The following LY75 variants were observed in gnomAD, a reference collection of about 807,000 sequenced individuals.
LY75 encodes the protein lymphocyte antigen 75, also known as C-type lectin domain family 13 member B.
A neutral mutation model predicts 231.7 loss-of-function variants in LY75; 185 were observed. The observed-to-expected ratio is 0.80, with a 90% CI of 0.71 to 0.90. The LOEUF (loss-of-function observed/expected upper bound fraction) is 0.90, where lower values mean the gene tolerates loss of function less well. Among genes scored for constraint, LY75 ranks in the 40% least tolerant of loss-of-function variants. LY75 has a pLI of 0.00. For synonymous variants in LY75, 668 were observed against 689.0 expected (o/e 0.97, Z 0.48); for missense variants, 1,947 against 2,050.2 (o/e 0.95, Z 0.97).
intron 14 of LY75, among the ~76,000 whole-genome samples, chr2:159,864,290 T>A (rs1384563596): frequency 1.3e-5 from 2 of 152,136 alleles, no homozygotes; most frequent in East Asian, 3.8e-4. Flanking sequence ...TGTTTTTGAG[T>A]TCGTATCCAA....
At chr2:159,821,595 G>A (rs1187540554) in intron 28 of LY75, among the ~76,000 whole-genome samples, 16 of 142,408 alleles carry the variant, frequency 1.1e-4, no homozygotes, top group Non-Finnish European at 1.7e-4. Context: ...CTTCAGCTTC[G>A]GTGACAAGAG....
At chr2:159,819,285 T>C (rs966259684) in intron 29 of LY75, among the ~76,000 whole-genome samples, 1 of 152,160 alleles carries the variant, frequency 6.6e-6, no homozygotes, top group African/African-American at 2.4e-5. Context: ...TTAAGCAAGG[T>C]GGAGAGACAT....
At chr2:159,831,441 C>A (rs368778862) in intron 28 of LY75, among the ~76,000 whole-genome samples, 1 of 152,092 alleles carries the variant, frequency 6.6e-6, no homozygotes, top group Non-Finnish European at 1.5e-5. Context: ...TTTAGCAGTG[C>A]GGGAACAAAC....
At chr2:159,806,754 T>C (rs986656472) in intron 34 of LY75, among the ~76,000 whole-genome samples, 1 of 152,246 alleles carries the variant, frequency 6.6e-6, no homozygotes, top group African/African-American at 2.4e-5. Flanking sequence ...GAAAGAATTA[T>C]ATAAAATGTA....
intron 28 of LY75, among the ~76,000 whole-genome samples, chr2:159,823,165 T>C (rs1683353293): frequency 6.6e-6 from 1 of 152,086 alleles, no homozygotes; most frequent in African/African-American, 2.4e-5. Context: ...TAAAGGAGCA[T>C]GTTCTAACCC....
Position 159,887,581 on chromosome 2 carries a change from A to AAG in LY75, c.803-1052_803-1051insCT, listed in dbSNP as rs1553812865. ...TCAACAACAACAAAAAAAAAAAAAA[A>AAG]AAAGAAAAAAGAAAGAAAGATAGAA... is the stretch of plus-strand genomic sequence containing the variant. On this transcript the variant is annotated intron_variant, in intron 4 of 34. Coordinates refer to ENST00000263636, the MANE Select transcript of LY75 (RefSeq NM_002349.4). 6.0e-3 allele frequency among the ~76,000 whole-genome samples: 891 copies of AAG among 149,716 alleles called. 10 individuals are homozygous for AAG. The highest frequency in any genetic ancestry group is 0.021 in the African/African-American group (848 of 40,364).
chr2:159,822,637 C>T (rs1683331315), intron 28 of LY75, among the ~76,000 whole-genome samples: 1 of 152,190 alleles, frequency 6.6e-6, no homozygotes, highest in Non-Finnish European at 1.5e-5. Flanking sequence ...CAGACTGCCT[C>T]CTCAAGTGGG....
chr2:159,861,581 C>T (rs1684700570), intron 14 of LY75, among the ~76,000 whole-genome samples: 1 of 151,702 alleles, frequency 6.6e-6, no homozygotes, highest in African/African-American at 2.4e-5. Flanking sequence ...AACCCCATCT[C>T]TACAAAAAAT....
intron 28 of LY75, among the ~76,000 whole-genome samples, chr2:159,828,540 C>T (rs1271964589): frequency 1.3e-5 from 2 of 152,040 alleles, no homozygotes; most frequent in Non-Finnish European, 1.5e-5. Flanking sequence ...TCTCATATAC[C>T]GGGAATGGAA....
At chr2:159,872,751 T>C (rs562100709) in intron 12 of LY75, 158 bp from the exon 13 acceptor site, 2 of 380,122 alleles carry the variant, frequency 5.3e-6, no homozygotes, top group African/African-American at 4.4e-5. Flanking sequence ...CACAGACAGG[T>C]CCTGCTGAAA....
chr2:159,875,662 G>T lies in LY75; in HGVS notation c.1775-19C>A, dbSNP rs770006093. The T allele has an allele frequency of 1.9e-6, 3 of 1,610,716 alleles. No homozygotes were observed. The highest frequency in any genetic ancestry group is 2.2e-5 in the South Asian group (2 of 90,562). ...GGGGAAGCTGGGATTGAAGTGGAAA[G>T]CTCAATTAAAAATTAAAACGTTAAA... On this transcript the variant is annotated intron_variant, in intron 11 of 34. Coordinates refer to ENST00000263636, the MANE Select transcript of LY75 (RefSeq NM_002349.4).
intron 3 of LY75, among the ~76,000 whole-genome samples, chr2:159,890,645 G>C (rs571270740): frequency 5.1e-4 from 77 of 152,164 alleles, no homozygotes; most frequent in African/African-American, 1.8e-3. Context: ...TTTCGCCCAT[G>C]TCCCTGACTG....
Position 159,834,037 on chromosome 2 carries a change from T to C in LY75, c.3841+7A>G, listed in dbSNP as rs984679532. 6.2e-7 allele frequency: 1 copy of C among 1,612,704 alleles called. No individual in the cohort carries two copies. Among genetic ancestry groups the C allele is most frequent in the Non-Finnish European group, 8.5e-7 (1 of 1,179,600 alleles). ...GCAACATGAGAATGGACTAATATAA[T>C]ACTTACTCAGTTTCTGGCATTTAGT... On this transcript the variant is annotated splice_region_variant and intron_variant, in intron 27 of 34. Coordinates refer to ENST00000263636, the MANE Select transcript of LY75 (RefSeq NM_002349.4).
rs1682721848 is a variant in LY75, at chr2:159,803,739, G to A, written c.*1305C>T. ...CAAAACTTAAAGTGATAACCACAAA[G>A]CAATGTTTTCTTAATCACTCATAAT... On this transcript the variant is annotated 3_prime_UTR_variant, in exon 35 of 35. Coordinates refer to ENST00000263636, the MANE Select transcript of LY75 (RefSeq NM_002349.4). 1 of 152,136 alleles carries A rather than the reference G, an allele frequency of 6.6e-6. No homozygotes were observed. Among genetic ancestry groups the A allele is most frequent in the Non-Finnish European group, 1.5e-5 (1 of 68,026 alleles). The allele number at this position is 152,136 out of a possible 1,614,324, so 9.4% of individuals were successfully genotyped here.
chr2:159,836,632 G>C (rs552816315), intron 25 of LY75, among the ~76,000 whole-genome samples: 1 of 152,156 alleles, frequency 6.6e-6, no homozygotes, highest in African/African-American at 2.4e-5. Context: ...GGAACGAAGC[G>C]ACACAGTCTC....
intron 4 of LY75, among the ~76,000 whole-genome samples, chr2:159,888,709 T>A (rs988152886): frequency 6.6e-6 from 1 of 152,186 alleles, no homozygotes. Context: ...AAACAACCCA[T>A]GAGACCCATT....
At chr2:159,833,701 T>A (rs531534227) in intron 27 of LY75, among the ~76,000 whole-genome samples, 1 of 152,280 alleles carries the variant, frequency 6.6e-6, no homozygotes, top group African/African-American at 2.4e-5. Context: ...TGTTTCCCCA[T>A]CCAAATCCCA....
intron 23 of LY75, among the ~76,000 whole-genome samples, chr2:159,846,501 G>C (rs986945119): frequency 7.6e-4 from 116 of 152,220 alleles, no homozygotes; most frequent in Non-Finnish European, 4.4e-5. Flanking sequence ...CTGGGTGACA[G>C]AGTAAGACCC....
chr2:159,887,293 A>G (rs936551571), intron 4 of LY75, among the ~76,000 whole-genome samples: 1 of 149,846 alleles, frequency 6.7e-6, no homozygotes, highest in African/African-American at 2.4e-5. Flanking sequence ...TTATTTGATG[A>G]CCAGATGCTA....
Sources: allele counts gnomAD v4.1 joint callset (sites outside exome capture counted in the v4.1 genomes callset), GRCh38; gene constraint gnomAD v4.1.1; transcripts MANE v1.5; gene names NCBI Gene and HGNC (gene_info 2026-07-23, HGNC 2026-07-21).